The following CAP2 variants were observed in gnomAD, a reference collection of about 807,000 sequenced individuals.
CAP2 encodes cyclase associated actin cytoskeleton regulatory protein 2, also known as adenylyl cyclase-associated protein 2.
A neutral mutation model predicts 57.7 loss-of-function variants in CAP2; 24 were observed. The observed-to-expected ratio is 0.42, with a 90% confidence interval of 0.30 to 0.58. CAP2 has a LOEUF of 0.58. Among genes scored for constraint, CAP2 ranks in the 20% least tolerant of loss-of-function variants. The pLI is 0.22. For missense variants in CAP2, 501 were observed against 590.3 expected (o/e 0.85, Z 1.57); for synonymous variants, 194 against 207.2 (o/e 0.94, Z 0.55).
At position 17,523,052 on chromosome 6, in the gene CAP2, G is replaced by A. The variant is rs1466833081; in HGVS notation, c.636+9098G>A. Among the ~76,000 whole-genome samples, 10 of 152,314 alleles carry A rather than the reference G, an allele frequency of 6.6e-5. 1 individual carries two copies. Among genetic ancestry groups the A allele is most frequent in the Admixed American group, 6.5e-4 (10 of 15,296 alleles). ...CCCAGCCTGCATGGGTTCTTAAGCA[G>A]AAAGCAACACACTGTGAATAATGAC... is the stretch of plus-strand genomic sequence containing the variant. On this transcript the variant is annotated intron_variant, in intron 7 of 12. Transcript: ENST00000229922.
chr6:17,532,897 C>T (rs1281433989), intron 7 of CAP2, among the ~76,000 whole-genome samples: 2 of 151,398 alleles, frequency 1.3e-5, no homozygotes, highest in Admixed American at 1.3e-4. Flanking sequence ...AACCCTGTCT[C>T]TACTAAAAAT....
intron 3 of CAP2, among the ~76,000 whole-genome samples, chr6:17,436,099 TTCCTTCCTTCCTTCCTTCCTTCCC>T (rs1270458212): frequency 2.0e-5 from 3 of 150,464 alleles, no homozygotes; most frequent in South Asian, 2.1e-4. Flanking sequence ...CCTTCCTTCC[TTCCTTCCTTCCTTCCTTCCTTCCC>T]TCCTTCCTTC....
chr6:17,450,419 G>A (rs959853033), intron 3 of CAP2, among the ~76,000 whole-genome samples: 1 of 152,176 alleles, frequency 6.6e-6, no homozygotes, highest in Non-Finnish European at 1.5e-5. Context: ...GGTTGGATAT[G>A]ACATATTTTG....
intron 4 of CAP2, among the ~76,000 whole-genome samples, chr6:17,483,332 CTTTTTTTT>C (rs1761340990): frequency 6.6e-6 from 1 of 152,044 alleles, no homozygotes; most frequent in Non-Finnish European, 1.5e-5. Flanking sequence ...TTCTTGATTT[CTTTTTTTT>C]CCTCCATTGT....
intron 4 of CAP2, among the ~76,000 whole-genome samples, chr6:17,464,830 C>T (rs750759409): frequency 1.2e-4 from 19 of 152,162 alleles, no homozygotes; most frequent in Non-Finnish European, 1.8e-4. Context: ...AATCACAAAG[C>T]GATGTGTTGT....
chr6:17,508,990 C>T (rs1487118768), intron 6 of CAP2, among the ~76,000 whole-genome samples: 3 of 152,104 alleles, frequency 2.0e-5, no homozygotes, highest in Non-Finnish European at 4.4e-5. Flanking sequence ...CTCTTGACCT[C>T]GTGATCCGCC....
Position 17,513,983 on chromosome 6 carries a change from T to TA in CAP2, c.636+36dup. On this transcript the variant is annotated intron_variant, in intron 7 of 12. Coordinates refer to ENST00000229922, the MANE Select transcript of CAP2 (RefSeq NM_006366.3). The surrounding 1 kb of genome is among the most constrained non-coding windows in gnomAD (Gnocchi z 4.3). ...AGTACGAGGCCTTCCTCCACGTGTG[T>TA]AAAAAAAGGCCATGACTATATATAC... The TA allele has an allele frequency of 7.4e-7, 1 of 1,355,716 alleles. No homozygotes were observed. Among genetic ancestry groups the TA allele is most frequent in the Non-Finnish European group, 1.1e-6 (1 of 945,348 alleles). The allele number at this position is 1,355,716 out of a possible 1,614,324, so 84.0% of individuals were successfully genotyped here. A position where few individuals can be genotyped will look rare whatever the true frequency, so the allele number is the denominator to read the frequency against.
chr6:17,397,288 G>C (rs901396941), intron 1 of CAP2, among the ~76,000 whole-genome samples: 2 of 152,026 alleles, frequency 1.3e-5, no homozygotes, highest in African/African-American at 4.8e-5. Flanking sequence ...TCAAACTCCT[G>C]ACCTCAGGTA....
At chr6:17,406,412 T>TTTTTTTTTTTTC (rs1197104013) in intron 1 of CAP2, among the ~76,000 whole-genome samples, 1 of 135,252 alleles carries the variant, frequency 7.4e-6, no homozygotes, top group African/African-American at 3.7e-5. Flanking sequence ...TTTTTTTTTT[T>TTTTTTTTTTTTC]TGAGGCAGTC....
At chr6:17,411,866 G>A (rs545169542) in intron 1 of CAP2, among the ~76,000 whole-genome samples, 5 of 152,174 alleles carry the variant, frequency 3.3e-5, no homozygotes, top group African/African-American at 1.2e-4. Context: ...GTAAACAAGC[G>A]CAAAGGGGCA....
chr6:17,525,022 G>A (rs947314311), intron 7 of CAP2, among the ~76,000 whole-genome samples: 43 of 150,966 alleles, frequency 2.8e-4, no homozygotes, highest in Admixed American at 1.3e-3. Context: ...TCAGCCTCCC[G>A]AGTAGCTGGG....
chr6:17,457,915 A>C (rs547837436), intron 3 of CAP2, among the ~76,000 whole-genome samples: 2 of 152,362 alleles, frequency 1.3e-5, no homozygotes, highest in East Asian at 3.9e-4. Flanking sequence ...GACCATCTGA[A>C]TTACTGTTTC....
chr6:17,480,670 T>C (rs898899703), intron 4 of CAP2, among the ~76,000 whole-genome samples: 2 of 152,054 alleles, frequency 1.3e-5, no homozygotes, highest in African/African-American at 2.4e-5. Context: ...TGGAAGCGCC[T>C]GAAGTGTCTT....
intron 1 of CAP2, among the ~76,000 whole-genome samples, chr6:17,398,988 AACCACC>A (rs1758741208): frequency 2.0e-5 from 3 of 152,180 alleles, no homozygotes; most frequent in African/African-American, 4.8e-5. Context: ...AATCCATGGC[AACCACC>A]ATTCTACTTT....
chr6:17,444,115 G>A (rs1000177166), intron 3 of CAP2, among the ~76,000 whole-genome samples: 1 of 152,194 alleles, frequency 6.6e-6, no homozygotes, highest in African/African-American at 2.4e-5. Context: ...GGGCCCACCT[G>A]TTGAGAGTTG....
In CAP2 at chr6:17,441,171, G is replaced by A. The variant is rs74639685; in HGVS notation, c.222+14481G>A. Among the ~76,000 whole-genome samples the A allele has an allele frequency of 8.3e-3, 1,246 of 150,966 alleles. 73 individuals are homozygous for A. The highest frequency in any genetic ancestry group is 0.029 in the African/African-American group (1,165 of 40,670). ...TAATATATTAGTATTTCTTCATATT[G>A]AGTCATTCTTATATTTTAGGAGGCT... On this transcript the variant is annotated intron_variant, in intron 3 of 12. Coordinates refer to ENST00000229922, the MANE Select transcript of CAP2 (RefSeq NM_006366.3).
At position 17,499,889 on chromosome 6, in the gene CAP2, A is replaced by T. The variant is rs1475919170; in HGVS notation, c.301-7280A>T. Reference sequence around the variant, plus strand: ...AATAAATAAATAAATAAAAGCAAATATAGTATATAAGGAATATAAGGAACA... The same window carrying T: ...AATAAATAAATAAATAAAAGCAAATTTAGTATATAAGGAATATAAGGAACA... On this transcript the variant is annotated intron_variant, in intron 4 of 12. Transcript: ENST00000229922. Among the ~76,000 whole-genome samples the T allele has an allele frequency of 3.3e-5, 5 of 151,746 alleles. No homozygotes were observed. The South Asian group carries it at 1.0e-3, about 31-fold the overall frequency.
In CAP2 at chr6:17,526,783, C is replaced by A. The variant is rs530374070; in HGVS notation, c.637-12486C>A. On this transcript the variant is annotated intron_variant, in intron 7 of 12. Transcript: ENST00000229922. ...GACCAGCCTGGCCAACATGGTGAAA[C>A]CCCGTCTCTACTAAAAATACAAAAT... Among the ~76,000 whole-genome samples the A allele has an allele frequency of 2.0e-5, 3 of 151,680 alleles. No individual in the cohort carries two copies. The East Asian group carries it at 5.9e-4, about 30-fold the overall frequency.
At chr6:17,481,846 A>G (rs1157327913) in intron 4 of CAP2, among the ~76,000 whole-genome samples, 2 of 152,122 alleles carry the variant, frequency 1.3e-5, no homozygotes, top group Non-Finnish European at 2.9e-5. Context: ...AGAGAAATCT[A>G]ATTAGTATTC....
Sources: gnomAD v4.1 joint callset for allele counts (sites outside exome capture counted in the v4.1 genomes callset) on GRCh38, gnomAD v4.1.1 for gene constraint, Gnocchi (gnomAD v3.1) non-coding constraint, MANE v1.5 for transcripts, NCBI Gene and HGNC (gene_info 2026-07-23, HGNC 2026-07-21) for gene names.